KRT23: variants seen among roughly 807,000 people sequenced by gnomAD.
KRT23 encodes keratin, type I cytoskeletal 23.
In KRT23, 38 loss-of-function variants were observed where a neutral mutation model predicts 47.6. That is an observed-to-expected ratio of 0.80 (90% CI 0.62 to 1.05). The LOEUF is 1.05. Ranked by LOEUF, KRT23 falls within the 50% of genes least tolerant of loss-of-function variation. KRT23 has a pLI of 0.00. For missense variants in KRT23, 503 were observed against 529.5 expected, an observed-to-expected ratio of 0.95 and a Z score of 0.49; for synonymous variants, 191 against 199.0, an observed-to-expected ratio of 0.96 and a Z score of 0.34.
At chr17:40,931,593 T>C in intron 2 of KRT23, 138 bp from the exon 3 acceptor site, 1 of 643,152 alleles carries the variant, frequency 1.6e-6, no homozygotes, top group Non-Finnish European at 2.8e-6. Context: ...AGTGGAACAA[T>C]GAATAACCGA....
intron 6 of KRT23, 73 bp downstream of exon 6, chr17:40,928,165 C>T (rs909872817): frequency 5.6e-6 from 9 of 1,595,368 alleles, no homozygotes; most frequent in African/African-American, 2.7e-5. Flanking sequence ...GGGTCAGGGC[C>T]TGGGAGAGAG....
At chr17:40,924,093 G>A (rs575720611) in intron 8 of KRT23, among the ~76,000 whole-genome samples, 1 of 152,224 alleles carries the variant, frequency 6.6e-6, no homozygotes, top group East Asian at 1.9e-4. Context: ...TCTGGCCATA[G>A]AACACAGTGT....
At chr17:40,929,419 G>A (rs1339566339) in intron 4 of KRT23, among the ~76,000 whole-genome samples, 1 of 152,250 alleles carries the variant, frequency 6.6e-6, no homozygotes, top group Non-Finnish European at 1.5e-5. Context: ...ATGTTGAGAA[G>A]CAATTTTGTT....
chr17:40,936,610 A>G lies in KRT23; in HGVS notation c.-7T>C, dbSNP rs201250128. 5 of 1,512,058 alleles carry G rather than the reference A, an allele frequency of 3.3e-6. No individual in the cohort carries two copies. In the East Asian group the frequency reaches 6.8e-5, roughly 21 times the overall value. 93.7% of individuals were successfully genotyped at this position (1,512,058 alleles called of 1,614,324 possible). On this transcript the variant is annotated 5_prime_UTR_variant, in exon 2 of 9. The change abolishes an upstream ATG in the 5' untranslated region. Transcript: ENST00000209718. ...AGCTGTGTCCGGAGTTCATGGTCCC[A>G]TCTGTGTTTGGGACGGGGCTGAGCT...
intron 2 of KRT23, among the ~76,000 whole-genome samples, chr17:40,933,972 C>T (rs1003868471): frequency 6.6e-6 from 1 of 152,156 alleles, no homozygotes; most frequent in Non-Finnish European, 1.5e-5. Context: ...TGACTGTAAA[C>T]AAAAATGCCA....
chr17:40,924,476 C>T lies in KRT23; in HGVS notation c.1170G>A (p.Met390Ile), dbSNP rs774064248. ...EGTREESKSS[M>I]KVSATPKIKA... Reference sequence around the variant, plus strand: ...ACAATGAAGGAAATTTTTTACCTTTCATGCTCGACTTTGATTCTTCCCGTG... The same window carrying T: ...ACAATGAAGGAAATTTTTTACCTTTTATGCTCGACTTTGATTCTTCCCGTG... Residue 390 changes from methionine to isoleucine, a missense_variant, in exon 8 of 9, where the codon ATG becomes ATA. Met to Ile is a conservative substitution (Grantham distance 10). Coordinates refer to ENST00000209718, the MANE Select transcript of KRT23 (RefSeq NM_015515.5). 6.2e-7 allele frequency: 1 copy of T among 1,612,992 alleles called. No individual in the cohort carries two copies. Among genetic ancestry groups the T allele is most frequent in the South Asian group, 1.1e-5 (1 of 91,030 alleles).
At chr17:40,933,777 A>C (rs1909859456) in intron 2 of KRT23, among the ~76,000 whole-genome samples, 1 of 152,230 alleles carries the variant, frequency 6.6e-6, no homozygotes, top group African/African-American at 2.4e-5. Context: ...CTTCATGGTA[A>C]TAAGTGGATG....
chr17:40,929,688 T>C, intron 4 of KRT23: 1 of 445,358 alleles, frequency 2.2e-6, no homozygotes, highest in Non-Finnish European at 4.0e-6. Context: ...TAGGTAAACA[T>C]TGTGTATTAA....
chr17:40,925,034 T>C (rs1597874114), intron 7 of KRT23: 1 of 392,082 alleles, frequency 2.6e-6, no homozygotes, highest in East Asian at 4.4e-5. Flanking sequence ...ACTAACACAT[T>C]CCCCCTGCCT....
chr17:40,937,102 CT>C, intron 1 of KRT23, 149 bp from the exon 2 acceptor site: 1 of 152,846 alleles, frequency 6.5e-6, no homozygotes, highest in Non-Finnish European at 1.5e-5. Context: ...ATACACACAC[CT>C]TTTTCCACCC....
At chr17:40,928,908 T>A (rs1909428827) in intron 4 of KRT23, among the ~76,000 whole-genome samples, 1 of 150,986 alleles carries the variant, frequency 6.6e-6, no homozygotes. Flanking sequence ...ACACCTTTAA[T>A]CCCAGCTACT....
chr17:40,930,490 G>T (rs1170928562), intron 3 of KRT23, among the ~76,000 whole-genome samples: 2 of 152,124 alleles, frequency 1.3e-5, no homozygotes, highest in East Asian at 3.9e-4. Context: ...AACAGGCCGG[G>T]CACGGTGGCT....
At chr17:40,925,052 T>C (rs528144829) in intron 7 of KRT23, 53 of 420,592 alleles carry the variant, frequency 1.3e-4, no homozygotes, top group South Asian at 2.5e-4. Context: ...CCTTCTTTTT[T>C]TTGGAGCCAA....
At position 40,925,420 on chromosome 17, in the gene KRT23, C is replaced by G. The variant is rs745655646; in HGVS notation, c.1076G>C (p.Gly359Ala). The G allele has an allele frequency of 1.2e-6, 2 of 1,614,046 alleles. No individual in the cohort carries two copies. The highest frequency in any genetic ancestry group is 1.1e-5 in the South Asian group (1 of 91,082). ...TTCCTTCTCCAGGTGGGTTTTGATG[C>G]CCAGCAGCACTTGGTATTCATTGTT... ...RQNNEYQVLL[G>A]IKTHLEKEIT... is the part of the protein sequence containing the mutation. The change falls in exon 7 of 9, where the codon GGC becomes GCC. Residue 359 changes from glycine (G) to alanine (A), a missense_variant. By Grantham distance (60) the Gly-to-Ala change is moderately conservative. Coordinates refer to ENST00000209718, the MANE Select transcript of KRT23 (RefSeq NM_015515.5).
In KRT23 at chr17:40,936,532, C is replaced by T. The variant is rs61745879; in HGVS notation, c.72G>A (p.Arg24=). Reference sequence around the variant, plus strand: ...TGGGAGCCCTGGGGAAGCTCCTGGGCCGGCCCCAGCCACCTCCGGCGCCAT... The same window carrying T: ...TGGGAGCCCTGGGGAAGCTCCTGGGTCGGCCCCAGCCACCTCCGGCGCCAT... ...SFHGAGGGWG[R]PRSFPRAPTV... is the part of the protein sequence containing the mutation. Residue 24 remains arginine, a synonymous_variant, in exon 2 of 9, where the codon CGG becomes CGA. Transcript: ENST00000209718. The T allele has an allele frequency of 0.088, 134,710 of 1,522,412 alleles. 6,460 individuals carry two copies. The highest frequency in any genetic ancestry group is 0.11 in the South Asian group (8,511 of 75,394). 94.3% of individuals were successfully genotyped at this position (1,522,412 alleles called of 1,614,324 possible).
rs961695679 is a variant in KRT23 at position 40,928,702 on chromosome 17, A to T, written c.637-95T>A. On this transcript the variant is annotated intron_variant, in intron 4 of 8. Coordinates refer to ENST00000209718, the MANE Select transcript of KRT23 (RefSeq NM_015515.5). ...GCAGTGGTAAATAGATCTTTTAAAC[A>T]TTCCGATTATGTGGTTGCTCCCACT... 3 of 1,155,918 alleles carry T rather than the reference A, an allele frequency of 2.6e-6. No individual in the cohort carries two copies. The African/African-American group carries it at 4.6e-5, about 18-fold the overall frequency. 71.6% of individuals were successfully genotyped at this position (1,155,918 alleles called of 1,614,324 possible).
rs1426404078 is a variant in KRT23, at chr17:40,924,538, T to C, written c.1143-35A>G. The C allele has an allele frequency of 6.4e-6, 10 of 1,570,036 alleles. No individual in the cohort carries two copies. The East Asian group carries it at 1.6e-4, about 25-fold the overall frequency. ...TGATAAAGGTTAAAGCTCACTTTAGTATTAGCAACAATCATAACAACTTCT... is the reference window on the plus strand; with the variant it reads ...TGATAAAGGTTAAAGCTCACTTTAGCATTAGCAACAATCATAACAACTTCT... On this transcript the variant is annotated intron_variant, in intron 7 of 8. Coordinates refer to ENST00000209718, the MANE Select transcript of KRT23 (RefSeq NM_015515.5).
At chr17:40,935,077 C>CA (rs1909961401) in intron 2 of KRT23, among the ~76,000 whole-genome samples, 1 of 146,572 alleles carries the variant, frequency 6.8e-6, no homozygotes, top group Non-Finnish European at 1.5e-5. Context: ...CTTTATTAAA[C>CA]AAAAAAACAT....
At position 40,930,006 on chromosome 17, in the gene KRT23, T is replaced by C; in HGVS notation, c.570A>G (p.Thr190=). The stretch of plus-strand genomic sequence containing the variant: ...TTCCTTCCACCTCCTGTTCTAGGTC[T>C]GTTGTGACAATGGTCAGGTTGTCTA... ...RTLDNLTIVT[T]DLEQEVEGMR... Residue 190 remains threonine (T), a synonymous_variant, in exon 4 of 9, where the codon ACA becomes ACG. Transcript: ENST00000209718. 1 of 1,614,194 alleles carries C rather than the reference T, an allele frequency of 6.2e-7. No individual in the cohort carries two copies. Among genetic ancestry groups the C allele is most frequent in the Non-Finnish European group, 8.5e-7 (1 of 1,180,010 alleles).
Sources: gnomAD v4.1 joint callset for allele counts (sites outside exome capture counted in the v4.1 genomes callset) on GRCh38, gnomAD v4.1.1 for gene constraint, MANE v1.5 for transcripts, NCBI Gene and HGNC (gene_info 2026-07-23, HGNC 2026-07-21) for gene names.